RHOBTB1: variants seen among roughly 807,000 people sequenced by gnomAD.
RHOBTB1 encodes the protein rho-related BTB domain-containing protein 1.
Under a neutral mutation model 71.6 loss-of-function variants are expected in RHOBTB1, and 40 were observed. That is an observed-to-expected ratio of 0.56 (90% CI 0.43 to 0.73). RHOBTB1 has a LOEUF of 0.73. Among genes scored for constraint, RHOBTB1 ranks in the 30% least tolerant of loss-of-function variants. The probability of loss-of-function intolerance (pLI) is 0.00; values close to 1 mark genes in which losing one functional copy is unlikely to be tolerated. For missense variants in RHOBTB1, 797 were observed against 894.0 expected (o/e 0.89, Z 1.38); for synonymous variants, 319 against 334.9 (o/e 0.95, Z 0.52).
chr10:60,951,440 A>G (rs1230906643), intron 2 of RHOBTB1, among the ~76,000 whole-genome samples: 1 of 152,192 alleles, frequency 6.6e-6, no homozygotes, highest in Non-Finnish European at 1.5e-5. Flanking sequence ...GTAAATATTT[A>G]TGCCTACTTT....
chr10:60,994,258 G>C (rs1006889208), intron 1 of RHOBTB1, among the ~76,000 whole-genome samples: 2 of 152,094 alleles, frequency 1.3e-5, no homozygotes, highest in African/African-American at 4.8e-5. Context: ...AGTCCAGTAA[G>C]GATGAGGATA....
At chr10:60,989,978 C>CTTTTTTT (rs769184320) in intron 1 of RHOBTB1, among the ~76,000 whole-genome samples, 1 of 122,292 alleles carries the variant, frequency 8.2e-6, no homozygotes, top group Non-Finnish European at 1.7e-5. Context: ...TCAGAATGTC[C>CTTTTTTT]TTTTTTTTTT....
chr10:60,882,004 C>T (rs563618239), intron 7 of RHOBTB1, among the ~76,000 whole-genome samples: 4 of 152,180 alleles, frequency 2.6e-5, no homozygotes, highest in South Asian at 2.1e-4. Context: ...ACTAAGAACA[C>T]TTTTGGAACA....
intron 1 of RHOBTB1, among the ~76,000 whole-genome samples, chr10:60,996,236 T>C (rs887326592): frequency 3.3e-5 from 5 of 152,194 alleles, no homozygotes; most frequent in African/African-American, 9.7e-5. Context: ...TTTTCCAACA[T>C]GGGCAGTCTA....
chr10:60,960,393 CAT>C (rs1348466640), intron 2 of RHOBTB1, among the ~76,000 whole-genome samples: 4 of 152,154 alleles, frequency 2.6e-5, no homozygotes, highest in African/African-American at 4.8e-5. Context: ...TCTAGTCAGA[CAT>C]GTGGATCTTG....
intron 4 of RHOBTB1, among the ~76,000 whole-genome samples, chr10:60,893,394 G>T (rs1053235868): frequency 3.9e-5 from 6 of 152,178 alleles, no homozygotes; most frequent in Non-Finnish European, 7.3e-5. Context: ...AAACATAAAG[G>T]TGATGATGAC....
At chr10:60,960,726 A>G (rs1432379381) in intron 2 of RHOBTB1, among the ~76,000 whole-genome samples, 1 of 152,210 alleles carries the variant, frequency 6.6e-6, no homozygotes, top group East Asian at 1.9e-4. Context: ...CATTTTCTGT[A>G]GCCTCTTGGG....
At position 60,936,559 on chromosome 10, in the gene RHOBTB1, G is replaced by A. The variant is rs565765816; in HGVS notation, c.-11+5245C>T. Among the ~76,000 whole-genome samples the A allele has an allele frequency of 7.9e-5, 12 of 152,214 alleles. No homozygotes were observed. In the East Asian group the frequency reaches 1.4e-3, roughly 17 times the overall value. ...AAGAAACAAGCAAATAAAATAAGGC[G>A]GTCTGGTTATGGCCTATTAAGCATG... is the stretch of plus-strand genomic sequence containing the variant. On this transcript the variant is annotated intron_variant, in intron 2 of 10. Transcript: ENST00000337910.
intron 4 of RHOBTB1, among the ~76,000 whole-genome samples, chr10:60,901,331 A>G (rs2082404825): frequency 6.6e-6 from 1 of 152,224 alleles, no homozygotes; most frequent in African/African-American, 2.4e-5. Context: ...AATTGTTGTT[A>G]AGATTCACTA....
intron 4 of RHOBTB1, among the ~76,000 whole-genome samples, chr10:60,905,505 G>T (rs1304010023): frequency 1.4e-5 from 2 of 146,330 alleles, no homozygotes; most frequent in African/African-American, 5.1e-5. Context: ...ATCCATGGTG[G>T]ACAAAGTATC....
At chr10:60,921,029 G>A (rs577695456) in intron 2 of RHOBTB1, among the ~76,000 whole-genome samples, 34 of 150,022 alleles carry the variant, frequency 2.3e-4, no homozygotes, top group Admixed American at 3.3e-4. Flanking sequence ...AGCTCACTGC[G>A]ACCTCTGCCT....
intron 5 of RHOBTB1, 86 bp from the exon 6 acceptor site, chr10:60,889,271 C>T (rs923454435): frequency 3.7e-6 from 5 of 1,353,530 alleles, no homozygotes; most frequent in Non-Finnish European, 5.0e-6. Context: ...CCTAATGGAA[C>T]TATACACTGA....
intron 7 of RHOBTB1, among the ~76,000 whole-genome samples, chr10:60,884,433 C>G (rs1164811748): frequency 6.6e-6 from 1 of 152,152 alleles, no homozygotes; most frequent in Non-Finnish European, 1.5e-5. Context: ...AAAATACTTG[C>G]AAAACTCCAC....
At chr10:60,936,872 A>G (rs1476538148) in intron 2 of RHOBTB1, among the ~76,000 whole-genome samples, 1 of 152,226 alleles carries the variant, frequency 6.6e-6, no homozygotes, top group East Asian at 1.9e-4. Flanking sequence ...ACAACATAGC[A>G]GTTGGTGAGT....
At chr10:60,926,095 G>A (rs1268267455) in intron 2 of RHOBTB1, among the ~76,000 whole-genome samples, 1 of 152,080 alleles carries the variant, frequency 6.6e-6, no homozygotes, top group Non-Finnish European at 1.5e-5. Context: ...ATATTAGCCA[G>A]GTGTGGTGGC....
chr10:60,934,007 T>TC (rs2031887472), intron 2 of RHOBTB1, among the ~76,000 whole-genome samples: 2 of 152,188 alleles, frequency 1.3e-5, no homozygotes, highest in Non-Finnish European at 2.9e-5. Flanking sequence ...GGATTATAAT[T>TC]CATTTTAATT....
chr10:60,965,117 G>A (rs2134580113), intron 2 of RHOBTB1, among the ~76,000 whole-genome samples: 1 of 152,196 alleles, frequency 6.6e-6, no homozygotes, highest in African/African-American at 2.4e-5. Flanking sequence ...TTATCAGATA[G>A]TATGTTAGGG....
At position 60,898,788 on chromosome 10, in the gene RHOBTB1, C is replaced by T. The variant is rs139770282; in HGVS notation, c.297-5793G>A. On this transcript the variant is annotated intron_variant, in intron 4 of 10. Transcript: ENST00000337910. The stretch of plus-strand genomic sequence containing the variant: ...TTGTGCAACTATTTTTTTCCAAGCC[C>T]GTATCTGCATGTTTAGTAGGAAGCA... 7.8e-3 allele frequency among the ~76,000 whole-genome samples: 1,180 copies of T among 152,168 alleles called. 39 individuals are homozygous for T. The highest frequency in any genetic ancestry group is 0.064 in the Admixed American group (978 of 15,284).
At chr10:60,876,443 T>C (rs1421546728) in intron 8 of RHOBTB1, among the ~76,000 whole-genome samples, 2 of 152,226 alleles carry the variant, frequency 1.3e-5, no homozygotes, top group Non-Finnish European at 2.9e-5. Flanking sequence ...ATGTTTTCAT[T>C]GCCAGACTTA....
Sources: gnomAD v4.1 joint callset for allele counts (sites outside exome capture counted in the v4.1 genomes callset) on GRCh38, gnomAD v4.1.1 for gene constraint, MANE v1.5 for transcripts, NCBI Gene and HGNC (gene_info 2026-07-23, HGNC 2026-07-21) for gene names.